ZFPM2: variants seen among roughly 807,000 people sequenced by gnomAD.
ZFPM2 encodes zinc finger protein, FOG family member 2, also known as zinc finger protein ZFPM2.
In ZFPM2, 20 loss-of-function variants were observed where a neutral mutation model predicts 98.6. The ratio of observed to expected loss-of-function variants is 0.20; its 90% CI spans 0.14 to 0.29. The LOEUF (loss-of-function observed/expected upper bound fraction) is 0.29, where lower values mean the gene tolerates loss of function less well. Among genes scored for constraint, ZFPM2 ranks in the 10% least tolerant of loss-of-function variants. The pLI, the probability that ZFPM2 is intolerant of heterozygous loss-of-function variation, is 1.00. For synonymous variants in ZFPM2, 518 were observed against 502.7 expected, an observed-to-expected ratio of 1.03 and a Z score of -0.41; for missense variants, 1,310 against 1,388.6, an observed-to-expected ratio of 0.94 and a Z score of 0.90.
intron 5 of ZFPM2, among the ~76,000 whole-genome samples, chr8:105,754,440 G>A (rs1325733935): frequency 2.0e-5 from 3 of 152,114 alleles, no homozygotes; most frequent in African/African-American, 7.2e-5. Flanking sequence ...GCAGGAAGTA[G>A]TAAGTCCAGG....
chr8:105,581,065 T>G (rs1815585190), intron 4 of ZFPM2, among the ~76,000 whole-genome samples: 1 of 152,122 alleles, frequency 6.6e-6, no homozygotes, highest in South Asian at 2.1e-4. Flanking sequence ...TTCATGGAAA[T>G]ACTTATTTTA....
At chr8:105,619,994 G>A (rs931581571) in intron 4 of ZFPM2, among the ~76,000 whole-genome samples, 8 of 152,178 alleles carry the variant, frequency 5.3e-5, no homozygotes, top group Non-Finnish European at 7.4e-5. Context: ...ATAAATATAC[G>A]TGTGCATGTG....
chr8:105,477,026 T>C (rs1362083170), intron 3 of ZFPM2, among the ~76,000 whole-genome samples: 1 of 152,136 alleles, frequency 6.6e-6, no homozygotes, highest in Non-Finnish European at 1.5e-5. Context: ...GCTATGCCGG[T>C]GTACTGTTCA....
chr8:105,633,465 G>T (rs1210179606), intron 4 of ZFPM2, among the ~76,000 whole-genome samples: 4 of 152,178 alleles, frequency 2.6e-5, no homozygotes, highest in East Asian at 1.9e-4. Flanking sequence ...ATTTATCCAC[G>T]GAGTTTTACA....
intron 4 of ZFPM2, among the ~76,000 whole-genome samples, chr8:105,589,179 A>G (rs780777641): frequency 6.6e-6 from 1 of 152,196 alleles, no homozygotes; most frequent in Non-Finnish European, 1.5e-5. Context: ...ATTTACAGGC[A>G]ATATCGGTGT....
chr8:105,341,789 GT>G (rs956474505), intron 1 of ZFPM2, among the ~76,000 whole-genome samples: 4 of 151,984 alleles, frequency 2.6e-5, no homozygotes, highest in African/African-American at 9.7e-5. Context: ...TTGGATATAT[GT>G]GACCTTAGAA....
chr8:105,329,502 CATATT>C (rs1812172610), intron 1 of ZFPM2, among the ~76,000 whole-genome samples: 2 of 151,736 alleles, frequency 1.3e-5, no homozygotes, highest in South Asian at 4.1e-4. Flanking sequence ...AATCATATTT[CATATT>C]ATACTTTGCA....
Position 105,393,897 on chromosome 8 carries a change from T to C in ZFPM2, c.41-25247T>C, listed in dbSNP as rs1032881632. On this transcript the variant is annotated intron_variant, in intron 1 of 7. Coordinates refer to ENST00000407775, the MANE Select transcript of ZFPM2 (RefSeq NM_012082.4). Reference sequence around the variant, plus strand: ...TAGAATTAGATCTAAAATATTTCTTTTTTTTTTTTTTTTTGAGATGGAGTC... The same window carrying C: ...TAGAATTAGATCTAAAATATTTCTTCTTTTTTTTTTTTTTGAGATGGAGTC... Among the ~76,000 whole-genome samples the C allele has an allele frequency of 9.8e-4, 146 of 149,334 alleles. 1 individual carries two copies. The highest frequency in any genetic ancestry group is 3.5e-3 in the African/African-American group (142 of 40,904).
At chr8:105,746,971 G>A (rs1812363380) in intron 5 of ZFPM2, among the ~76,000 whole-genome samples, 1 of 151,864 alleles carries the variant, frequency 6.6e-6, no homozygotes, top group Non-Finnish European at 1.5e-5. Context: ...GAAATATATG[G>A]GTGCTTAAAT....
At chr8:105,320,414 A>G (rs755002808) in intron 1 of ZFPM2, among the ~76,000 whole-genome samples, 3 of 152,094 alleles carry the variant, frequency 2.0e-5, no homozygotes, top group East Asian at 1.9e-4. Flanking sequence ...CTTTTGGCTC[A>G]AAGCAGTTTT....
At chr8:105,411,609 C>A (rs1351493176) in intron 1 of ZFPM2, among the ~76,000 whole-genome samples, 2 of 151,776 alleles carry the variant, frequency 1.3e-5, no homozygotes, top group Non-Finnish European at 2.9e-5. Flanking sequence ...TGAAATATAT[C>A]TCAATCATAT....
chr8:105,355,454 C>T (rs555011691), intron 1 of ZFPM2, among the ~76,000 whole-genome samples: 28 of 152,158 alleles, frequency 1.8e-4, no homozygotes, highest in African/African-American at 6.7e-4. Context: ...AGAAAATTTC[C>T]TACTTGAAAA....
At chr8:105,337,617 G>A (rs1352743972) in intron 1 of ZFPM2, among the ~76,000 whole-genome samples, 1 of 151,716 alleles carries the variant, frequency 6.6e-6, no homozygotes, top group Non-Finnish European at 1.5e-5. Flanking sequence ...TGAATATCAT[G>A]TCACATTTTA....
Position 105,738,381 on chromosome 8 carries a change from GT to G in ZFPM2, c.533-50336del, listed in dbSNP as rs370534120. The stretch of plus-strand genomic sequence containing the variant: ...CTTTGTTATGGTTGCATAGTATTCT[GT>G]GGTGTCTATGTACCACGTTTTCTTT... On this transcript the variant is annotated intron_variant, in intron 5 of 7. Coordinates refer to ENST00000407775, the MANE Select transcript of ZFPM2 (RefSeq NM_012082.4). Among the ~76,000 whole-genome samples the G allele has an allele frequency of 4.2e-3, 637 of 152,068 alleles. 5 individuals carry two copies. The highest frequency in any genetic ancestry group is 0.014 in the African/African-American group (578 of 41,502).
At chr8:105,395,635 T>A (rs1811204060) in intron 1 of ZFPM2, among the ~76,000 whole-genome samples, 1 of 152,194 alleles carries the variant, frequency 6.6e-6, no homozygotes, top group Non-Finnish European at 1.5e-5. Context: ...CATACAATGG[T>A]TTTATATAAT....
At position 105,406,056 on chromosome 8, in the gene ZFPM2, G is replaced by C. The variant is rs566583642; in HGVS notation, c.41-13088G>C. Among the ~76,000 whole-genome samples, 638 of 152,024 alleles carry C rather than the reference G, an allele frequency of 4.2e-3. 6 individuals are homozygous for C. The highest frequency in any genetic ancestry group is 0.014 in the African/African-American group (596 of 41,506). On this transcript the variant is annotated intron_variant, in intron 1 of 7. Transcript: ENST00000407775. Reference sequence around the variant, plus strand: ...TGATGGTGAGCATTTTTTCATGTGTGTTTTGGCTGCATAAATGTCTTCTTT... The same window carrying C: ...TGATGGTGAGCATTTTTTCATGTGTCTTTTGGCTGCATAAATGTCTTCTTT...
chr8:105,691,313 A>T lies in ZFPM2; in HGVS notation c.532+56956A>T, dbSNP rs1245808220. On this transcript the variant is annotated intron_variant, in intron 5 of 7. Coordinates refer to ENST00000407775, the MANE Select transcript of ZFPM2 (RefSeq NM_012082.4). The stretch of plus-strand genomic sequence containing the variant: ...CCGGACTGCGGACTGCAGTGGCGGG[A>T]TCTCGGCTCACTGCAAGCTCCGCTT... Among the ~76,000 whole-genome samples, 4 of 100,616 alleles carry T rather than the reference A, an allele frequency of 4.0e-5. 1 individual carries two copies. The highest frequency in any genetic ancestry group is 7.5e-5 in the Non-Finnish European group (4 of 53,574). 66.0% of individuals were successfully genotyped at this position (100,616 alleles called of 152,430 possible).
At chr8:105,707,241 CA>C (rs113671142) in intron 5 of ZFPM2, among the ~76,000 whole-genome samples, 145 of 117,058 alleles carry the variant, frequency 1.2e-3, no homozygotes, top group Non-Finnish European at 1.4e-3. Flanking sequence ...GACTTTGTCT[CA>C]AAAAAAAAAA....
chr8:105,682,753 G>A (rs1193195200), intron 5 of ZFPM2, among the ~76,000 whole-genome samples: 1 of 152,074 alleles, frequency 6.6e-6, no homozygotes, highest in Non-Finnish European at 1.5e-5. Flanking sequence ...TAAAAGATGA[G>A]TAAAGCTGTT....
Sources: allele counts gnomAD v4.1 joint callset (sites outside exome capture counted in the v4.1 genomes callset), GRCh38; gene constraint gnomAD v4.1.1; transcripts MANE v1.5; gene names NCBI Gene and HGNC (gene_info 2026-07-23, HGNC 2026-07-21).